PTER: variants seen among roughly 807,000 people sequenced by gnomAD.
PTER encodes the protein phosphotriesterase related.
A neutral mutation model predicts 29.6 loss-of-function variants in PTER; 38 were observed. That is an observed-to-expected ratio of 1.28 (90% CI 0.99 to 1.68). PTER has a LOEUF of 1.68. PTER is among the 40% of genes most tolerant of loss of function. The pLI is 0.00. For synonymous variants in PTER, 172 were observed against 154.5 expected, an observed-to-expected ratio of 1.11 and a Z score of -0.84; for missense variants, 482 against 427.8, an observed-to-expected ratio of 1.13 and a Z score of -1.12.
chr10:16,504,430 G>A (rs1272500790), intron 3 of PTER, among the ~76,000 whole-genome samples: 1 of 152,058 alleles, frequency 6.6e-6, no homozygotes, highest in Non-Finnish European at 1.5e-5. Flanking sequence ...AAGCACTCCA[G>A]AGCATAAATA....
At chr10:16,439,054 C>G (rs1478592888) in intron 1 of PTER, among the ~76,000 whole-genome samples, 1 of 151,970 alleles carries the variant, frequency 6.6e-6, no homozygotes, top group Admixed American at 6.5e-5. Context: ...TTTAATTGGG[C>G]AGCCCTCAAA....
downstream of PTER, chr10:16,514,207 T>TAC (rs986474481): frequency 2.4e-6 from 1 of 424,922 alleles, no homozygotes; most frequent in South Asian, 9.1e-5. Context: ...CAAAGTATCA[T>TAC]ATATATAGAA....
intron 1 of PTER, among the ~76,000 whole-genome samples, chr10:16,472,539 G>T (rs7916882): frequency 0.47 from 72,041 of 151,936 alleles, 18,993 homozygotes; most frequent in African/African-American, 0.71. Context: ...CTCATTTGCC[G>T]TCCGCCATGA....
chr10:16,447,427 T>C (rs954064312), intron 1 of PTER, among the ~76,000 whole-genome samples: 3 of 152,166 alleles, frequency 2.0e-5, no homozygotes, highest in Non-Finnish European at 4.4e-5. Context: ...TGTGGAATTT[T>C]CGTAATGCAT....
chr10:16,483,857 GA>G (rs1328774286), intron 1 of PTER, among the ~76,000 whole-genome samples: 1 of 150,294 alleles, frequency 6.7e-6, no homozygotes, highest in East Asian at 1.9e-4. Flanking sequence ...CCCTCAAAAA[GA>G]AAAAAAAGGA....
rs1835603669 is a variant in PTER at position 16,484,466 on chromosome 10, C to T, written c.82C>T (p.His28Tyr). The change falls in exon 2 of 5, where the codon CAC becomes TAC. Residue 28 changes from histidine (H) to tyrosine (Y), a missense_variant. Coordinates refer to ENST00000535784, the MANE Select transcript of PTER (RefSeq NM_001261836.2). ...ACTGGGCCGTACCCTGACCCATGAA[C>T]ACCTGGCCATGACCTTTGACTGCTG... ...SKLGRTLTHE[H>Y]LAMTFDCCYC... The T allele has an allele frequency of 1.2e-6, 2 of 1,613,980 alleles. No individual in the cohort carries two copies. Among genetic ancestry groups the T allele is most frequent in the Admixed American group, 1.7e-5 (1 of 59,978 alleles).
intron 1 of PTER, among the ~76,000 whole-genome samples, chr10:16,480,511 A>T (rs1835439715): frequency 6.6e-6 from 1 of 152,088 alleles, no homozygotes; most frequent in African/African-American, 2.4e-5. Flanking sequence ...TGACCATTGC[A>T]TTTAAAATTG....
intron 4 of PTER, among the ~76,000 whole-genome samples, chr10:16,509,130 C>T (rs1332058373): frequency 2.0e-5 from 3 of 152,110 alleles, no homozygotes; most frequent in Non-Finnish European, 4.4e-5. Context: ...TTTGTCTTCT[C>T]GTCTGTAGTG....
intron 1 of PTER, among the ~76,000 whole-genome samples, chr10:16,471,265 G>A (rs1043389749): frequency 5.9e-5 from 9 of 152,170 alleles, no homozygotes; most frequent in Non-Finnish European, 1.2e-4. Flanking sequence ...AATAGCTCTT[G>A]AGTTCATAAC....
chr10:16,440,916 A>T (rs1426963770), intron 1 of PTER, among the ~76,000 whole-genome samples: 1 of 152,094 alleles, frequency 6.6e-6, no homozygotes, highest in African/African-American at 2.4e-5. Flanking sequence ...GTATGCGGGG[A>T]TTTCTGGCTC....
chr10:16,499,562 C>T (rs1258205881), intron 3 of PTER, among the ~76,000 whole-genome samples: 1 of 152,058 alleles, frequency 6.6e-6, no homozygotes, highest in Non-Finnish European at 1.5e-5. Context: ...CCACCTCAGT[C>T]TCCCGAGTAG....
intron 3 of PTER, among the ~76,000 whole-genome samples, chr10:16,490,977 G>A (rs1005219553): frequency 6.6e-6 from 1 of 151,552 alleles, no homozygotes; most frequent in African/African-American, 2.4e-5. Context: ...ATACACATAT[G>A]TATATATTTA....
At chr10:16,456,862 T>TGCGG (rs1554787511) in intron 1 of PTER, among the ~76,000 whole-genome samples, 1 of 113,598 alleles carries the variant, frequency 8.8e-6, no homozygotes, top group African/African-American at 3.3e-5. Flanking sequence ...ATGGGGAAGG[T>TGCGG]GGGGGGGGGT....
At chr10:16,461,005 C>T (rs905173100) in intron 1 of PTER, among the ~76,000 whole-genome samples, 1 of 152,136 alleles carries the variant, frequency 6.6e-6, no homozygotes, top group Non-Finnish European at 1.5e-5. Flanking sequence ...GCATGAGCCA[C>T]CGCACCTGGC....
At chr10:16,450,080 T>C (rs1479031240) in intron 1 of PTER, among the ~76,000 whole-genome samples, 2 of 152,186 alleles carry the variant, frequency 1.3e-5, no homozygotes, top group Non-Finnish European at 2.9e-5. Flanking sequence ...TTAATATCCA[T>C]TCCCATGCCT....
intron 1 of PTER, among the ~76,000 whole-genome samples, chr10:16,438,190 G>C (rs1033701197): frequency 6.6e-6 from 1 of 152,000 alleles, no homozygotes; most frequent in Non-Finnish European, 1.5e-5. Context: ...ATTTTTAGTA[G>C]AGACGGGGTT....
At chr10:16,517,184 C>T (rs561085146), downstream of PTER, among the ~76,000 whole-genome samples, 33 of 152,252 alleles carry the variant, frequency 2.2e-4, no homozygotes, top group African/African-American at 7.7e-4. Context: ...CGCAATCAAC[C>T]GATTTCTACC....
chr10:16,459,217 G>A (rs1192020460), intron 1 of PTER, among the ~76,000 whole-genome samples: 5 of 152,158 alleles, frequency 3.3e-5, no homozygotes, highest in Non-Finnish European at 7.3e-5. Flanking sequence ...TTATCCAAGA[G>A]ATTCCAGTTG....
chr10:16,473,519 GAAAAAAAAAAAAA>G lies in PTER; in HGVS notation c.-48-10802_-48-10790del, dbSNP rs72001271. On this transcript the variant is annotated intron_variant, in intron 1 of 4. Transcript: ENST00000535784. The stretch of plus-strand genomic sequence containing the variant: ...TGGGTGATAGAGTGAGACTCCATCC[GAAAAAAAAAAAAA>G]AAAAAAAAAAAAAAACAGTTAGTTC... Among the ~76,000 whole-genome samples, 28 of 28,168 alleles carry G rather than the reference GAAAAAAAAAAAAA, an allele frequency of 9.9e-4. No homozygotes were observed. The South Asian group carries it at 0.012, about 12-fold the overall frequency. The allele number at this position is 28,168 out of a possible 152,430, so 18.5% of individuals were successfully genotyped here.
Sources: allele counts gnomAD v4.1 joint callset (sites outside exome capture counted in the v4.1 genomes callset), GRCh38; gene constraint gnomAD v4.1.1; transcripts MANE v1.5; gene names NCBI Gene and HGNC (gene_info 2026-07-23, HGNC 2026-07-21).